The following KIRREL3 variants were observed in gnomAD, a reference collection of about 807,000 sequenced individuals.
The protein encoded by KIRREL3 is kirre like nephrin family adhesion molecule 3.
Under a neutral mutation model 89.7 loss-of-function variants are expected in KIRREL3, and 36 were observed. That is an observed-to-expected ratio of 0.40 (90% CI 0.31 to 0.53). KIRREL3 has a LOEUF of 0.53. Among genes scored for constraint, KIRREL3 ranks in the 20% least tolerant of loss-of-function variants. KIRREL3 has a pLI of 0.49. For missense variants in KIRREL3, 864 were observed against 1,056.6 expected (o/e 0.82, Z 2.53); for synonymous variants, 445 against 441.4 (o/e 1.01, Z -0.10).
At chr11:126,803,771 A>C (rs1459746614) in intron 1 of KIRREL3, among the ~76,000 whole-genome samples, 1 of 152,112 alleles carries the variant, frequency 6.6e-6, no homozygotes, top group East Asian at 1.9e-4. Context: ...CTCTTTTCTA[A>C]CCTGCTTGTT....
rs1236070222 is a variant in KIRREL3 at position 126,909,230 on chromosome 11, GGGA to G, written c.55+91222_55+91224del. Among the ~76,000 whole-genome samples, 3 of 152,104 alleles carry G rather than the reference GGGA, an allele frequency of 2.0e-5. No individual in the cohort carries two copies. The highest frequency in any genetic ancestry group is 4.4e-5 in the Non-Finnish European group (3 of 68,020). ...GGCAGGGAAGGAATGGGGTCGGAGA[GGGA>G]GGAGTTCATGGGAGGTGTGGCACTA... On this transcript the variant is annotated intron_variant, in intron 1 of 16. Transcript: ENST00000525144. The surrounding 1 kb of genome is among the most constrained non-coding windows in gnomAD (Gnocchi z 4.5).
intron 1 of KIRREL3, among the ~76,000 whole-genome samples, chr11:126,658,563 A>G (rs1945257737): frequency 6.6e-6 from 1 of 152,252 alleles, no homozygotes; most frequent in Non-Finnish European, 1.5e-5. Context: ...TAAACAACAT[A>G]AAGTATTTAA....
Position 126,624,118 on chromosome 11 carries a change from A to G in KIRREL3, c.56-61206T>C, listed in dbSNP as rs1289380705. 6.6e-6 allele frequency among the ~76,000 whole-genome samples: 1 copy of G among 152,182 alleles called. No individual in the cohort carries two copies. Among genetic ancestry groups the G allele is most frequent in the Non-Finnish European group, 1.5e-5 (1 of 68,040 alleles). On this transcript the variant is annotated intron_variant, in intron 1 of 16. Transcript: ENST00000525144. The surrounding 1 kb of genome is among the most constrained non-coding windows in gnomAD (Gnocchi z 6.0). ...TTTAGTGCTTTGAGATCCCTGGAAG[A>G]CAGGTCAGGCAACTAACAAGGAAAA...
rs186080103 is a variant in KIRREL3 at position 126,797,654 on chromosome 11, G to T, written c.55+202801C>A. ...TTCTGATGGGGCCCTGGCAGCGGGA[G>T]TCTCAGCATCCAAGCACAATCAGCA... On this transcript the variant is annotated intron_variant, in intron 1 of 16. Transcript: ENST00000525144. The surrounding 1 kb of genome is among the most constrained non-coding windows in gnomAD (Gnocchi z 4.9). Among the ~76,000 whole-genome samples, 520 of 152,248 alleles carry T rather than the reference G, an allele frequency of 3.4e-3. 2 individuals carry two copies. Among genetic ancestry groups the T allele is most frequent in the Non-Finnish European group, 6.4e-3 (437 of 68,002 alleles).
intron 5 of KIRREL3, among the ~76,000 whole-genome samples, chr11:126,464,815 T>G (rs759332936): frequency 6.6e-6 from 1 of 152,142 alleles, no homozygotes; most frequent in Non-Finnish European, 1.5e-5. Context: ...TCTACAGCTG[T>G]GAGATAATTG....
intron 7 of KIRREL3, among the ~76,000 whole-genome samples, chr11:126,451,457 C>CT (rs1956155533): frequency 1.7e-5 from 2 of 121,074 alleles, no homozygotes; most frequent in African/African-American, 6.6e-5. Flanking sequence ...AGTGCATGCG[C>CT]ATGTGTGGGC....
At chr11:126,573,345 C>T (rs1036669141) in intron 1 of KIRREL3, among the ~76,000 whole-genome samples, 2 of 152,186 alleles carry the variant, frequency 1.3e-5, no homozygotes, top group African/African-American at 4.8e-5. Context: ...GAGGACTGTC[C>T]TCTAGGGCAT....
At chr11:126,451,445 C>CGT (rs1956154331) in intron 7 of KIRREL3, among the ~76,000 whole-genome samples, 2 of 80,660 alleles carry the variant, frequency 2.5e-5, no homozygotes, top group African/African-American at 1.1e-4. Flanking sequence ...TGTGTGTGTC[C>CGT]AAGTGCATGC....
intron 1 of KIRREL3, among the ~76,000 whole-genome samples, chr11:126,916,860 T>G (rs780289315): frequency 1.1e-4 from 17 of 152,196 alleles, no homozygotes; most frequent in Non-Finnish European, 2.4e-4. Flanking sequence ...TAGTCCAGTG[T>G]CCCAGACTCT....
In KIRREL3 at chr11:126,520,803, G is replaced by T. The variant is rs372531616; in HGVS notation, c.433+512C>A. ...ACCTGTCAGCCAGGATTCCCAGGGA[G>T]CAATGAGGGGTGGAGAAGTCACGGG... On this transcript the variant is annotated intron_variant, in intron 4 of 16. Transcript: ENST00000525144. This position sits in a 1 kb window ranked among gnomAD's most constrained non-coding sequence, Gnocchi z 4.9. Among the ~76,000 whole-genome samples the T allele has an allele frequency of 1.3e-5, 2 of 152,286 alleles. No individual in the cohort carries two copies. The highest frequency in any genetic ancestry group is 2.1e-4 in the South Asian group (1 of 4,812).
chr11:126,567,693 G>A (rs1940616197), intron 1 of KIRREL3, among the ~76,000 whole-genome samples: 1 of 152,210 alleles, frequency 6.6e-6, no homozygotes, highest in African/African-American at 2.4e-5. Context: ...GAGGGAAGGT[G>A]GGGAGAGAAG....
In KIRREL3 at chr11:126,562,768, T is replaced by A; in HGVS notation, c.133+67A>T. On this transcript the variant is annotated intron_variant, in intron 2 of 16. Coordinates refer to ENST00000525144, the MANE Select transcript of KIRREL3 (RefSeq NM_032531.4). This position sits in a 1 kb window ranked among gnomAD's most constrained non-coding sequence, Gnocchi z 4.7. Reference sequence around the variant, plus strand: ...GTTCTTATTCCTGGTTCCTCTGTCCTGTGGCTGTAGGGGAGAGCTTCCTCC... The same window carrying A: ...GTTCTTATTCCTGGTTCCTCTGTCCAGTGGCTGTAGGGGAGAGCTTCCTCC... The A allele has an allele frequency of 1.5e-6, 2 of 1,342,562 alleles. No homozygotes were observed. The highest frequency in any genetic ancestry group is 2.1e-6 in the Non-Finnish European group (2 of 934,732). The allele number at this position is 1,342,562 out of a possible 1,614,324, so 83.2% of individuals were successfully genotyped here. A position where few individuals can be genotyped will look rare whatever the true frequency, so the allele number is the denominator to read the frequency against.
At position 126,607,599 on chromosome 11, in the gene KIRREL3, A is replaced by T. The variant is rs1459944937; in HGVS notation, c.56-44687T>A. On this transcript the variant is annotated intron_variant, in intron 1 of 16. Coordinates refer to ENST00000525144, the MANE Select transcript of KIRREL3 (RefSeq NM_032531.4). The surrounding 1 kb of genome is among the most constrained non-coding windows in gnomAD (Gnocchi z 6.6). ...TTATTAATTGATCGCTGTTATTATC[A>T]TGTAGGCATTAAGTGGCTTCCTCTG... 6.6e-6 allele frequency among the ~76,000 whole-genome samples: 1 copy of T among 152,182 alleles called. No individual in the cohort carries two copies. The highest frequency in any genetic ancestry group is 2.4e-5 in the African/African-American group (1 of 41,448).
Position 126,795,186 on chromosome 11 carries a change from A to C in KIRREL3, c.55+205269T>G, listed in dbSNP as rs554178132. On this transcript the variant is annotated intron_variant, in intron 1 of 16. Coordinates refer to ENST00000525144, the MANE Select transcript of KIRREL3 (RefSeq NM_032531.4). The surrounding 1 kb of genome is among the most constrained non-coding windows in gnomAD (Gnocchi z 4.1). The stretch of plus-strand genomic sequence containing the variant: ...ATACATGTCATCACACATTTGGCCA[A>C]GCCCATAGAGTGTACAGCATACAGA... Among the ~76,000 whole-genome samples the C allele has an allele frequency of 6.6e-6, 1 of 152,170 alleles. No individual in the cohort carries two copies. Among genetic ancestry groups the C allele is most frequent in the African/African-American group, 2.4e-5 (1 of 41,428 alleles).
At chr11:126,738,702 T>A (rs1364903823) in intron 1 of KIRREL3, among the ~76,000 whole-genome samples, 2 of 152,232 alleles carry the variant, frequency 1.3e-5, no homozygotes, top group Non-Finnish European at 2.9e-5. Flanking sequence ...CCCAGAAATG[T>A]CCTTTTGTGT....
rs192068634 is a variant in KIRREL3 at position 126,929,801 on chromosome 11, C to T, written c.55+70654G>A. On this transcript the variant is annotated intron_variant, in intron 1 of 16. Coordinates refer to ENST00000525144, the MANE Select transcript of KIRREL3 (RefSeq NM_032531.4). ...GCACATTTGCCTAAGAGCGATTCCA[C>T]GCTAAACATAACTCAGCCCAGAAAA... Among the ~76,000 whole-genome samples the T allele has an allele frequency of 2.5e-3, 380 of 152,372 alleles. 1 individual carries two copies. Among genetic ancestry groups the T allele is most frequent in the African/African-American group, 7.7e-3 (320 of 41,586 alleles).
chr11:126,813,401 G>A (rs527897715), intron 1 of KIRREL3, among the ~76,000 whole-genome samples: 3 of 152,270 alleles, frequency 2.0e-5, no homozygotes, highest in South Asian at 4.2e-4. Flanking sequence ...TGCTCCTGGG[G>A]TAGTCCCTCA....
chr11:126,714,027 G>A (rs755769468), intron 1 of KIRREL3, among the ~76,000 whole-genome samples: 35 of 152,276 alleles, frequency 2.3e-4, no homozygotes, highest in Non-Finnish European at 3.8e-4. Context: ...TTCGTATTGG[G>A]TAGAGCAGCT....
At chr11:126,923,874 C>A (rs1398490001) in intron 1 of KIRREL3, among the ~76,000 whole-genome samples, 1 of 152,162 alleles carries the variant, frequency 6.6e-6, no homozygotes, top group Non-Finnish European at 1.5e-5. Flanking sequence ...TACTTAGAGG[C>A]TTCATAAGTA....
Sources: allele counts gnomAD v4.1 joint callset (sites outside exome capture counted in the v4.1 genomes callset), GRCh38; gene constraint gnomAD v4.1.1; non-coding constraint Gnocchi (gnomAD v3.1); transcripts MANE v1.5; gene names NCBI Gene and HGNC (gene_info 2026-07-23, HGNC 2026-07-21).